TMPRSS15: variants seen among roughly 807,000 people sequenced by gnomAD.
The protein encoded by TMPRSS15 is transmembrane serine protease 15.
TMPRSS15 carries 128 observed loss-of-function variants against 125.3 expected under a neutral mutation model. The ratio of observed to expected loss-of-function variants is 1.02; its 90% CI spans 0.89 to 1.18. The LOEUF is 1.18. TMPRSS15 is among the 50% of genes most tolerant of loss of function. The pLI, the probability that TMPRSS15 is intolerant of heterozygous loss-of-function variation, is 0.00. For missense variants in TMPRSS15, 1,283 were observed against 1,212.7 expected, an observed-to-expected ratio of 1.06 and a Z score of -0.86; for synonymous variants, 446 against 423.2, an observed-to-expected ratio of 1.05 and a Z score of -0.66.
rs149921996 is a variant in TMPRSS15, at chr21:18,393,998, G to T, written c.344+3881C>A. Among the ~76,000 whole-genome samples the T allele has an allele frequency of 3.7e-3, 558 of 152,240 alleles. 3 individuals are homozygous for T. Among genetic ancestry groups the T allele is most frequent in the African/African-American group, 0.013 (533 of 41,562 alleles). ...TAAGTAAGCCCTATATGTGTGTTAAGTACATAAGCGAGCAAATGAATGGAT... is the reference window on the plus strand; with the variant it reads ...TAAGTAAGCCCTATATGTGTGTTAATTACATAAGCGAGCAAATGAATGGAT... On this transcript the variant is annotated intron_variant, in intron 3 of 24. Transcript: ENST00000284885.
chr21:18,281,804 T>C (rs991271991), intron 21 of TMPRSS15, among the ~76,000 whole-genome samples: 1 of 151,910 alleles, frequency 6.6e-6, no homozygotes, highest in African/African-American at 2.4e-5. Flanking sequence ...TCACATATAG[T>C]TAAAGTAAAC....
intron 24 of TMPRSS15, among the ~76,000 whole-genome samples, chr21:18,272,898 G>A (rs2074576851): frequency 6.6e-6 from 1 of 152,078 alleles, no homozygotes; most frequent in African/African-American, 2.4e-5. Context: ...GAGTGCAAGG[G>A]TTGGTGACCA....
At chr21:18,287,620 T>C (rs2074780999) in intron 21 of TMPRSS15, among the ~76,000 whole-genome samples, 1 of 152,122 alleles carries the variant, frequency 6.6e-6, no homozygotes, top group Non-Finnish European at 1.5e-5. Flanking sequence ...ATGAGATACA[T>C]GCCAAAGAGA....
chr21:18,356,718 A>T (rs2075628769), intron 8 of TMPRSS15, among the ~76,000 whole-genome samples: 1 of 151,892 alleles, frequency 6.6e-6, no homozygotes, highest in Non-Finnish European at 1.5e-5. Context: ...AAGTGTCCTA[A>T]TAAAAGCACA....
intron 11 of TMPRSS15, 133 bp from the exon 12 acceptor site, chr21:18,343,789 G>A (rs1185189472): frequency 3.4e-6 from 4 of 1,171,084 alleles, no homozygotes; most frequent in Non-Finnish European, 5.1e-6. Flanking sequence ...TGCTGGGGAT[G>A]GGGAGAGGTG....
intron 8 of TMPRSS15, among the ~76,000 whole-genome samples, chr21:18,358,851 T>A (rs2075651479): frequency 6.6e-6 from 1 of 152,092 alleles, no homozygotes; most frequent in Non-Finnish European, 1.5e-5. Context: ...TAAATATTTC[T>A]CAAATCATTA....
chr21:18,384,311 T>C (rs1351974345), intron 3 of TMPRSS15, among the ~76,000 whole-genome samples: 5 of 152,158 alleles, frequency 3.3e-5, no homozygotes, highest in Non-Finnish European at 5.9e-5. Context: ...ATATAAAATA[T>C]CAAAATATGC....
chr21:18,458,151 G>T (rs970795270), intron 1 of TMPRSS15, among the ~76,000 whole-genome samples: 2 of 152,108 alleles, frequency 1.3e-5, no homozygotes, highest in Admixed American at 1.3e-4. Context: ...AGGTTAAGGC[G>T]TTCTTCACAT....
chr21:18,336,905 A>C (rs1257936948), intron 13 of TMPRSS15, among the ~76,000 whole-genome samples: 1 of 152,236 alleles, frequency 6.6e-6, no homozygotes, highest in African/African-American at 2.4e-5. Context: ...TGATCAACTA[A>C]GCAAGCAGTT....
At chr21:18,356,253 G>A (rs981889294) in intron 8 of TMPRSS15, among the ~76,000 whole-genome samples, 2 of 151,764 alleles carry the variant, frequency 1.3e-5, no homozygotes, top group Admixed American at 1.3e-4. Context: ...AATGGACGGG[G>A]AAGACCAACT....
chr21:18,353,971 A>G, intron 8 of TMPRSS15, 108 bp from the exon 9 acceptor site: 1 of 1,029,960 alleles, frequency 9.7e-7, no homozygotes, highest in South Asian at 1.4e-5. Flanking sequence ...TGATCTATAC[A>G]AATATCTATC....
chr21:18,458,060 A>G (rs1246761451), intron 1 of TMPRSS15, among the ~76,000 whole-genome samples: 1 of 152,148 alleles, frequency 6.6e-6, no homozygotes, highest in East Asian at 1.9e-4. Context: ...GCTTGGTGCT[A>G]CCATTTCCTT....
chr21:18,335,939 CTTTT>C (rs5842685), intron 13 of TMPRSS15, among the ~76,000 whole-genome samples: 2 of 140,996 alleles, frequency 1.4e-5, no homozygotes, highest in Middle Eastern at 3.6e-3. Context: ...TGTTAAATTC[CTTTT>C]TTTTTTTTTT....
intron 10 of TMPRSS15, among the ~76,000 whole-genome samples, chr21:18,347,920 A>G (rs187099361): frequency 4.1e-4 from 63 of 152,292 alleles, no homozygotes; most frequent in Admixed American, 4.0e-3. Context: ...CTCTTAATTT[A>G]AAAAAAGAGG....
intron 1 of TMPRSS15, among the ~76,000 whole-genome samples, chr21:18,426,004 T>C (rs2076201881): frequency 6.6e-6 from 1 of 152,204 alleles, no homozygotes; most frequent in African/African-American, 2.4e-5. Flanking sequence ...ATCTTTTTAT[T>C]CACCTATTTA....
chr21:18,282,097 C>CAAAAAAAAAAAAAA (rs954911028), intron 21 of TMPRSS15, among the ~76,000 whole-genome samples: 1 of 24,958 alleles, frequency 4.0e-5, no homozygotes. Context: ...GACTCCGCCT[C>CAAAAAAAAAAAAAA]AAAAAAAAAA....
At chr21:18,409,404 T>C (rs1358136434) in intron 1 of TMPRSS15, among the ~76,000 whole-genome samples, 4 of 152,098 alleles carry the variant, frequency 2.6e-5, no homozygotes, top group Non-Finnish European at 5.9e-5. Context: ...CAAATCTTTT[T>C]TTGTGTTTTT....
intron 16 of TMPRSS15, among the ~76,000 whole-genome samples, chr21:18,319,154 C>T (rs2146949021): frequency 6.6e-6 from 1 of 152,042 alleles, no homozygotes; most frequent in East Asian, 1.9e-4. Context: ...GGTTAAGACA[C>T]AGGACTTAAA....
intron 4 of TMPRSS15, chr21:18,380,595 G>A (rs911290296): frequency 1.3e-5 from 6 of 470,506 alleles, no homozygotes; most frequent in South Asian, 4.7e-5. Context: ...CTGGAATAAC[G>A]TAAAGTTGAT....
Sources: allele counts gnomAD v4.1 joint callset (sites outside exome capture counted in the v4.1 genomes callset), GRCh38; gene constraint gnomAD v4.1.1; transcripts MANE v1.5; gene names NCBI Gene and HGNC (gene_info 2026-07-23, HGNC 2026-07-21).